The following KHDRBS2 variants were observed in gnomAD, a reference collection of about 807,000 sequenced individuals.
KHDRBS2 encodes the protein KH RNA binding domain containing, signal transduction associated 2.
Under a neutral mutation model 44.3 loss-of-function variants are expected in KHDRBS2, and 26 were observed. That is an observed-to-expected ratio of 0.59 (90% confidence interval 0.43 to 0.81). KHDRBS2 has a LOEUF of 0.81. Ranked by LOEUF, KHDRBS2 falls within the 40% of genes least tolerant of loss-of-function variation. KHDRBS2 has a pLI of 0.00. For synonymous variants in KHDRBS2, 194 were observed against 151.1 expected, an observed-to-expected ratio of 1.28 and a Z score of -2.08; for missense variants, 476 against 433.1, an observed-to-expected ratio of 1.10 and a Z score of -0.88.
rs79682073 is a variant in KHDRBS2 at position 61,709,652 on chromosome 6, A to T, written c.894-12399T>A. On this transcript the variant is annotated intron_variant, in intron 7 of 8. Transcript: ENST00000281156. ...GTGAGCAATTTTATAACAAAACACTAATCTTTTGTTTTATTATGTAGAATT... is the reference window on the plus strand; with the variant it reads ...GTGAGCAATTTTATAACAAAACACTTATCTTTTGTTTTATTATGTAGAATT... 1.8e-3 allele frequency among the ~76,000 whole-genome samples: 280 copies of T among 151,688 alleles called. 6 individuals carry two copies. The East Asian group carries it at 0.048, about 26-fold the overall frequency.
chr6:62,269,442 T>C (rs758039705), intron 1 of KHDRBS2, among the ~76,000 whole-genome samples: 1 of 152,010 alleles, frequency 6.6e-6, no homozygotes, highest in Non-Finnish European at 1.5e-5. Flanking sequence ...TCATTTCAAA[T>C]AAGAATACAT....
At chr6:61,897,079 T>C (rs1803057377) in intron 5 of KHDRBS2, among the ~76,000 whole-genome samples, 1 of 152,204 alleles carries the variant, frequency 6.6e-6, no homozygotes, top group Admixed American at 6.5e-5. Flanking sequence ...ATGATGGCTA[T>C]AATCTGTTTT....
At chr6:62,133,455 C>A (rs1810810428) in intron 2 of KHDRBS2, among the ~76,000 whole-genome samples, 1 of 152,050 alleles carries the variant, frequency 6.6e-6, no homozygotes, top group Admixed American at 6.5e-5. Context: ...GTAAGTGGAA[C>A]TGTGAGTCCA....
intron 3 of KHDRBS2, among the ~76,000 whole-genome samples, chr6:62,031,898 C>G (rs1454305017): frequency 6.6e-6 from 1 of 151,904 alleles, no homozygotes; most frequent in South Asian, 2.1e-4. Context: ...TAGGCAGTAG[C>G]CAAAAAGTGG....
the KHDRBS2 span, among the ~76,000 whole-genome samples, chr6:61,634,592 A>G: frequency 3.3e-5 from 5 of 152,148 alleles, no homozygotes; most frequent in East Asian, 9.7e-4. Flanking sequence ...ATCTGTAACT[A>G]TTAGCTAAAT....
intron 4 of KHDRBS2, among the ~76,000 whole-genome samples, chr6:61,964,341 G>A (rs546178768): frequency 2.4e-4 from 36 of 152,152 alleles, no homozygotes; most frequent in African/African-American, 8.4e-4. Flanking sequence ...TATTGAGAAT[G>A]ACGGCACAAG....
intron 6 of KHDRBS2, among the ~76,000 whole-genome samples, chr6:61,774,160 G>GT (rs1489493458): frequency 1.3e-5 from 2 of 152,148 alleles, no homozygotes; most frequent in Non-Finnish European, 2.9e-5. Context: ...CTTTAAAGTA[G>GT]TTTTTTCCAA....
At chr6:61,884,966 A>G (rs1800731314) in intron 6 of KHDRBS2, among the ~76,000 whole-genome samples, 1 of 152,126 alleles carries the variant, frequency 6.6e-6, no homozygotes, top group Non-Finnish European at 1.5e-5. Context: ...TTTAAGAAAA[A>G]GATTTAAAAA....
intron 3 of KHDRBS2, among the ~76,000 whole-genome samples, chr6:62,003,284 A>C (rs141919471): frequency 2.0e-5 from 3 of 151,972 alleles, no homozygotes; most frequent in Non-Finnish European, 4.4e-5. Flanking sequence ...GTCTTTCAAA[A>C]AAGTAAAGTA....
intron 6 of KHDRBS2, among the ~76,000 whole-genome samples, chr6:61,820,941 C>A (rs187059787): frequency 1.5e-4 from 23 of 152,068 alleles, no homozygotes; most frequent in African/African-American, 5.5e-4. Flanking sequence ...TTTTATGTTT[C>A]TTACATCTAC....
At chr6:62,136,768 C>A (rs1811616263) in intron 2 of KHDRBS2, among the ~76,000 whole-genome samples, 1 of 152,096 alleles carries the variant, frequency 6.6e-6, no homozygotes, top group Admixed American at 6.5e-5. Context: ...CACTTATCAA[C>A]CATTTTAAAA....
chr6:61,954,539 T>G (rs1431287697), intron 4 of KHDRBS2, among the ~76,000 whole-genome samples: 9 of 147,356 alleles, frequency 6.1e-5, no homozygotes, highest in African/African-American at 1.0e-4. Flanking sequence ...TACGTATGTA[T>G]ACATATATAT....
chr6:61,753,368 C>G (rs1052364613), intron 6 of KHDRBS2, among the ~76,000 whole-genome samples: 3 of 152,128 alleles, frequency 2.0e-5, no homozygotes, highest in Non-Finnish European at 4.4e-5. Context: ...GCTTAGGTCA[C>G]AGGACTTGAC....
chr6:61,588,628 C>A, the KHDRBS2 span, among the ~76,000 whole-genome samples: 1 of 151,970 alleles, frequency 6.6e-6, no homozygotes, highest in Non-Finnish European at 1.5e-5. Context: ...TACAAAAAAA[C>A]AAAACCAAAA....
At chr6:61,616,472 T>TAC in the KHDRBS2 span, among the ~76,000 whole-genome samples, 14 of 1,108 alleles carry the variant, frequency 0.013, no homozygotes, top group South Asian at 0.077. Flanking sequence ...AGAATATACA[T>TAC]ATATATATAT....
intron 1 of KHDRBS2, among the ~76,000 whole-genome samples, chr6:62,284,081 T>C (rs1369425226): frequency 1.3e-5 from 2 of 152,114 alleles, no homozygotes; most frequent in Non-Finnish European, 2.9e-5. Context: ...TATCAAGAAA[T>C]CAAGTTCCTA....
intron 7 of KHDRBS2, among the ~76,000 whole-genome samples, chr6:61,721,300 T>C (rs546725197): frequency 6.6e-6 from 1 of 152,288 alleles, no homozygotes; most frequent in Admixed American, 6.5e-5. Flanking sequence ...AAGTAGTTTT[T>C]TCCAATTCTG....
At chr6:61,841,732 G>T (rs565238324) in intron 6 of KHDRBS2, among the ~76,000 whole-genome samples, 1 of 152,210 alleles carries the variant, frequency 6.6e-6, no homozygotes, top group Non-Finnish European at 1.5e-5. Flanking sequence ...TTGATGTGGT[G>T]GCATTTATTA....
At chr6:61,652,100 C>T in the KHDRBS2 span, among the ~76,000 whole-genome samples, 5 of 151,992 alleles carry the variant, frequency 3.3e-5, no homozygotes, top group Admixed American at 6.6e-5. Flanking sequence ...AAAATTGGCT[C>T]GTTTGTTTTT....
Sources: allele counts gnomAD v4.1 joint callset (sites outside exome capture counted in the v4.1 genomes callset), GRCh38; gene constraint gnomAD v4.1.1; transcripts MANE v1.5; gene names NCBI Gene and HGNC (gene_info 2026-07-23, HGNC 2026-07-21).